The following C12orf50 variants were observed in gnomAD, a reference collection of about 807,000 sequenced individuals.
C12orf50 encodes zinc finger CCCH-type containing 11D, also known as uncharacterized protein C12orf50.
C12orf50 carries 35 observed loss-of-function variants against 61.6 expected under a neutral mutation model. The observed-to-expected ratio is 0.57, with a 90% CI of 0.43 to 0.75. C12orf50 has a LOEUF of 0.75. Ranked by LOEUF, C12orf50 falls within the 30% of genes least tolerant of loss-of-function variation. The pLI is 0.00. For synonymous variants in C12orf50, 178 were observed against 161.5 expected (o/e 1.10, Z -0.77); for missense variants, 475 against 488.5 (o/e 0.97, Z 0.26).
chr12:87,993,989 A>C lies in C12orf50; in HGVS notation c.592+644T>G, dbSNP rs549721361. 6.6e-5 allele frequency among the ~76,000 whole-genome samples: 10 copies of C among 151,996 alleles called. No homozygotes were observed. In the East Asian group the frequency reaches 7.7e-4, roughly 12 times the overall value. ...CCAAGGCGGGCAAATCACCTGAGGT[A>C]AGGAGTTTGAGGCCAGCCTGACCAA... On this transcript the variant is annotated intron_variant, in intron 7 of 12. Coordinates refer to ENST00000298699, the MANE Select transcript of C12orf50 (RefSeq NM_152589.3).
At chr12:87,993,341 C>T (rs940734822) in intron 7 of C12orf50, among the ~76,000 whole-genome samples, 6 of 152,090 alleles carry the variant, frequency 3.9e-5, no homozygotes, top group Non-Finnish European at 4.4e-5. Context: ...ACAAACTGTT[C>T]GATTAGAACT....
chr12:88,020,836 T>C (rs939051968), intron 3 of C12orf50, among the ~76,000 whole-genome samples: 2 of 151,286 alleles, frequency 1.3e-5, no homozygotes, highest in African/African-American at 4.9e-5. Context: ...ATACCAACCA[T>C]GCCCTCAGGC....
intron 8 of C12orf50, 52 bp from the exon 9 acceptor site, chr12:87,988,018 G>A (rs769604520): frequency 4.2e-6 from 5 of 1,203,104 alleles, no homozygotes; most frequent in Non-Finnish European, 6.0e-6. Flanking sequence ...TTTAAAAAAA[G>A]CATTTCAGTT....
At chr12:88,011,634 G>A (rs926224138) in intron 3 of C12orf50, among the ~76,000 whole-genome samples, 7 of 152,304 alleles carry the variant, frequency 4.6e-5, no homozygotes, top group Admixed American at 3.3e-4. Flanking sequence ...TGGCAAATAT[G>A]TGGTAGGTTG....
At chr12:88,028,997 T>C in intron 1 of C12orf50, 3 of 848,318 alleles carry the variant, frequency 3.5e-6, no homozygotes, top group Non-Finnish European at 4.6e-6. Context: ...ATACAAGTTA[T>C]TGCCATATCT....
At chr12:87,980,452 G>A in intron 12 of C12orf50, 96 bp from the exon 13 acceptor site, 2 of 1,092,588 alleles carry the variant, frequency 1.8e-6, no homozygotes, top group South Asian at 1.4e-5. Flanking sequence ...TAAATCTAAA[G>A]GCAAAGAAAA....
chr12:88,020,622 C>A (rs2032480323), intron 3 of C12orf50, among the ~76,000 whole-genome samples: 1 of 152,104 alleles, frequency 6.6e-6, no homozygotes, highest in Admixed American at 6.5e-5. Context: ...CAGCATTACA[C>A]AGATTGTCAA....
At position 87,985,707 on chromosome 12, in the gene C12orf50, T is replaced by A. The variant is rs547338900; in HGVS notation, c.1126+143A>T. The A allele has an allele frequency of 1.3e-5, 10 of 765,490 alleles. No individual in the cohort carries two copies. The East Asian group carries it at 2.6e-4, about 20-fold the overall frequency. 47.4% of individuals were successfully genotyped at this position (765,490 alleles called of 1,614,324 possible). ...TGTGCAGGACTGCACATGGAAGAAA[T>A]CCTCTCACTAGTTTCTATGGTGGTG... On this transcript the variant is annotated intron_variant, in intron 11 of 12. Coordinates refer to ENST00000298699, the MANE Select transcript of C12orf50 (RefSeq NM_152589.3).
Position 88,027,038 on chromosome 12 carries a change from C to G in C12orf50, c.-76G>C. ...AGCACACAGTGTCACTGCCAAGGGCCTCTTCACAGTGTCGGAATCGGCACT... is the reference window on the plus strand; with the variant it reads ...AGCACACAGTGTCACTGCCAAGGGCGTCTTCACAGTGTCGGAATCGGCACT... On this transcript the variant is annotated 5_prime_UTR_variant, in exon 2 of 13. Coordinates refer to ENST00000298699, the MANE Select transcript of C12orf50 (RefSeq NM_152589.3). 6.2e-7 allele frequency: 1 copy of G among 1,613,442 alleles called. No homozygotes were observed. Among genetic ancestry groups the G allele is most frequent in the Non-Finnish European group, 8.5e-7 (1 of 1,179,830 alleles).
At chr12:88,001,507 A>G (rs1281555113) in intron 3 of C12orf50, among the ~76,000 whole-genome samples, 1 of 149,556 alleles carries the variant, frequency 6.7e-6, no homozygotes, top group Non-Finnish European at 1.5e-5. Flanking sequence ...TCTCATAGAC[A>G]TGAGTTGGAA....
chr12:87,985,589 C>T, intron 11 of C12orf50: 1 of 493,158 alleles, frequency 2.0e-6, no homozygotes, highest in Non-Finnish European at 3.6e-6. Context: ...CCTGGAGGAA[C>T]AAAGTGCAGT....
chr12:87,997,892 A>T, intron 4 of C12orf50, 143 bp downstream of exon 4: 1 of 647,368 alleles, frequency 1.5e-6, no homozygotes, highest in Non-Finnish European at 2.5e-6. Context: ...ATAATGAATT[A>T]AATTAGTTTA....
intron 9 of C12orf50, 131 bp from the exon 10 acceptor site, chr12:87,986,547 C>T (rs940516573): frequency 1.9e-6 from 1 of 519,482 alleles, no homozygotes; most frequent in African/African-American, 2.0e-5. Flanking sequence ...CATCCTAACA[C>T]TTTACTTTTT....
chr12:88,007,336 G>T (rs144112946), intron 3 of C12orf50, among the ~76,000 whole-genome samples: 357 of 151,540 alleles, frequency 2.4e-3, no homozygotes, highest in Non-Finnish European at 3.8e-3. Flanking sequence ...GCAAATATTA[G>T]AACAACCTGC....
chr12:88,010,953 C>G (rs926423988), intron 3 of C12orf50, among the ~76,000 whole-genome samples: 21 of 152,180 alleles, frequency 1.4e-4, no homozygotes, highest in Middle Eastern at 6.8e-3. Flanking sequence ...TATGAGATCA[C>G]AAATACTAAT....
rs1326783327 is a variant in C12orf50, at chr12:87,987,934, G to A, written c.733C>T (p.Leu245=). 6.2e-7 allele frequency: 1 copy of A among 1,610,466 alleles called. No homozygotes were observed. The highest frequency in any genetic ancestry group is 8.5e-7 in the Non-Finnish European group (1 of 1,177,554). The change falls in exon 9 of 13, where the codon CTA becomes TTA. Residue 245 remains leucine (L), a synonymous_variant. Transcript: ENST00000298699. ...GTTGTAGGTACTAGTCGGGTAGTTA[G>A]GGAATGCTTTGGATGAGGACTGTCC... ...NKDSPHPKHS[L]TTRLVPTTHV...
At chr12:88,011,768 T>C (rs558031989) in intron 3 of C12orf50, among the ~76,000 whole-genome samples, 23 of 152,308 alleles carry the variant, frequency 1.5e-4, no homozygotes, top group African/African-American at 5.3e-4. Flanking sequence ...AGCTCAGAAC[T>C]AAGGGTTGGT....
intron 7 of C12orf50, among the ~76,000 whole-genome samples, chr12:87,992,607 A>T (rs1348636884): frequency 6.6e-6 from 1 of 152,062 alleles, no homozygotes; most frequent in African/African-American, 2.4e-5. Flanking sequence ...CCAAACTAAG[A>T]GTTCAAACTG....
At chr12:87,994,538 G>A in intron 7 of C12orf50, 95 bp downstream of exon 7, 1 of 952,944 alleles carries the variant, frequency 1.0e-6, no homozygotes, top group South Asian at 1.6e-5. Context: ...AACATGACAT[G>A]GACAAAAAAA....
Sources: allele counts gnomAD v4.1 joint callset (sites outside exome capture counted in the v4.1 genomes callset), GRCh38; gene constraint gnomAD v4.1.1; transcripts MANE v1.5; gene names NCBI Gene and HGNC (gene_info 2026-07-23, HGNC 2026-07-21).